Variants in CBLB observed in about 807,000 individuals in gnomAD.
CBLB encodes Cbl proto-oncogene B, also known as E3 ubiquitin-protein ligase CBL-B.
In CBLB, 31 loss-of-function variants were observed where a neutral mutation model predicts 104.9. That is an observed-to-expected ratio of 0.30 (90% CI 0.22 to 0.40). The LOEUF (loss-of-function observed/expected upper bound fraction) is 0.40. Ranked by LOEUF, CBLB falls within the 10% of genes least tolerant of loss-of-function variation. CBLB has a pLI of 1.00. For missense variants in CBLB, 1,062 were observed against 1,214.6 expected, an observed-to-expected ratio of 0.87 and a Z score of 1.87; for synonymous variants, 440 against 422.6, an observed-to-expected ratio of 1.04 and a Z score of -0.51.
chr3:105,693,457 G>A, intron 13 of CBLB, 37 bp downstream of exon 13: 1 of 1,327,018 alleles, frequency 7.5e-7, no homozygotes, highest in East Asian at 2.3e-5. Context: ...ATATCTTGAT[G>A]CATAGACAAG....
intron 3 of CBLB, among the ~76,000 whole-genome samples, chr3:105,837,899 C>T (rs1307364982): frequency 2.6e-5 from 4 of 152,030 alleles, no homozygotes; most frequent in African/African-American, 9.7e-5. Context: ...CTCTCTTCTG[C>T]CTCCCTCCAG....
chr3:105,767,718 C>G (rs7647131), intron 4 of CBLB, among the ~76,000 whole-genome samples: 23,889 of 152,014 alleles, frequency 0.16, 2,088 homozygotes, highest in Middle Eastern at 0.3. Flanking sequence ...ATGCTAGACA[C>G]AGTTTTATGT....
chr3:105,688,283 C>G (rs1381187737), intron 13 of CBLB, among the ~76,000 whole-genome samples: 1 of 151,990 alleles, frequency 6.6e-6, no homozygotes, highest in African/African-American at 2.4e-5. Context: ...GCTGTTATTA[C>G]TGAGTTAATA....
intron 14 of CBLB, chr3:105,682,019 GTC>G (rs1292274298): frequency 1.8e-6 from 1 of 545,256 alleles, no homozygotes; most frequent in Non-Finnish European, 3.2e-6. Context: ...AAGTAACACA[GTC>G]TCTCTTTTTT....
Position 105,707,919 on chromosome 3 carries a change from C to A in CBLB, c.1408-3746G>T, listed in dbSNP as rs76456693. Among the ~76,000 whole-genome samples, 936 of 152,042 alleles carry A rather than the reference C, an allele frequency of 6.2e-3. 31 individuals carry two copies. The highest frequency in any genetic ancestry group is 0.05 in the East Asian group (261 of 5,182). On this transcript the variant is annotated intron_variant, in intron 10 of 18. Coordinates refer to ENST00000394030, the MANE Select transcript of CBLB (RefSeq NM_170662.5). ...CCAAAATTATTTCTCCTTTAAAAGACAATGCTGTCTTTTTGTAATAGCTGC... is the reference window on the plus strand; with the variant it reads ...CCAAAATTATTTCTCCTTTAAAAGAAAATGCTGTCTTTTTGTAATAGCTGC...
Position 105,693,142 on chromosome 3 carries a change from T to C in CBLB, c.2054+352A>G, listed in dbSNP as rs568594064. Among the ~76,000 whole-genome samples, 8 of 152,066 alleles carry C rather than the reference T, an allele frequency of 5.3e-5. No homozygotes were observed. In the East Asian group the frequency reaches 1.5e-3, roughly 29 times the overall value. ...GGTGGAACCAAAGATTATTTTATGA[T>C]GTCAAACTGGGAAGCTGAGATAAAA... On this transcript the variant is annotated intron_variant, in intron 13 of 18. Coordinates refer to ENST00000394030, the MANE Select transcript of CBLB (RefSeq NM_170662.5).
intron 4 of CBLB, among the ~76,000 whole-genome samples, chr3:105,757,826 C>A (rs2077220579): frequency 6.6e-6 from 1 of 152,070 alleles, no homozygotes; most frequent in African/African-American, 2.4e-5. Flanking sequence ...TACTGTCATC[C>A]TCATTTTAAA....
At chr3:105,735,485 A>C (rs1237546225) in intron 8 of CBLB, among the ~76,000 whole-genome samples, 1 of 152,208 alleles carries the variant, frequency 6.6e-6, no homozygotes, top group Non-Finnish European at 1.5e-5. Flanking sequence ...AATGCAACCT[A>C]AACAGTAAGA....
chr3:105,868,553 C>G (rs1367025024), intron 1 of CBLB, 183 bp downstream of exon 1: 1 of 347,338 alleles, frequency 2.9e-6, no homozygotes, highest in Non-Finnish European at 4.6e-6. Flanking sequence ...TGGACGCCCT[C>G]TCCCTCCTCC....
Position 105,794,918 on chromosome 3 carries a change from C to CTT in CBLB, c.420-18378_420-18377dup, listed in dbSNP as rs201226105. On this transcript the variant is annotated intron_variant, in intron 3 of 18. Coordinates refer to ENST00000394030, the MANE Select transcript of CBLB (RefSeq NM_170662.5). ...AGAACCTTCTTTTGAATAATGGCAA[C>CTT]TTTTTTTTTTTTTTTTGAGATGGAG... is the stretch of plus-strand genomic sequence containing the variant. Among the ~76,000 whole-genome samples the CTT allele has an allele frequency of 1.1e-3, 161 of 142,308 alleles. 5 individuals are homozygous for CTT. The East Asian group carries it at 0.02, about 18-fold the overall frequency. The allele number at this position is 142,308 out of a possible 152,430, so 93.4% of individuals were successfully genotyped here.
At chr3:105,735,958 A>G (rs1396036005) in intron 8 of CBLB, among the ~76,000 whole-genome samples, 1 of 152,152 alleles carries the variant, frequency 6.6e-6, no homozygotes, top group Non-Finnish European at 1.5e-5. Context: ...AAAAAGAAAA[A>G]CAAGGCAATC....
In CBLB at chr3:105,735,512, T is replaced by G. The variant is rs566734876; in HGVS notation, c.1072-1372A>C. Among the ~76,000 whole-genome samples the G allele has an allele frequency of 9.5e-4, 144 of 152,340 alleles. 1 individual carries two copies. The highest frequency in any genetic ancestry group is 3.4e-3 in the African/African-American group (143 of 41,572). ...ACAGTAAGAGTATTTATGAGTAATT[T>G]AAGGGGATGTTATTACTTCCAAAGA... is the stretch of plus-strand genomic sequence containing the variant. On this transcript the variant is annotated intron_variant, in intron 8 of 18. Coordinates refer to ENST00000394030, the MANE Select transcript of CBLB (RefSeq NM_170662.5).
At chr3:105,815,081 A>G (rs2153045715) in intron 3 of CBLB, among the ~76,000 whole-genome samples, 1 of 152,188 alleles carries the variant, frequency 6.6e-6, no homozygotes, top group African/African-American at 2.4e-5. Flanking sequence ...GGCATAAGAA[A>G]TTCTCTCTCT....
chr3:105,718,903 G>A lies in CBLB; in HGVS notation c.1407+1144C>T, dbSNP rs990665413. Among the ~76,000 whole-genome samples the A allele has an allele frequency of 2.6e-5, 4 of 152,186 alleles. No individual in the cohort carries two copies. The South Asian group carries it at 6.2e-4, about 24-fold the overall frequency. Reference sequence around the variant, plus strand: ...ACAGGGAATAGCCTGATATCCAAGAGTCTACCTCTCTTGACCACTGTATTT... The same window carrying A: ...ACAGGGAATAGCCTGATATCCAAGAATCTACCTCTCTTGACCACTGTATTT... On this transcript the variant is annotated intron_variant, in intron 10 of 18. Coordinates refer to ENST00000394030, the MANE Select transcript of CBLB (RefSeq NM_170662.5).
chr3:105,820,841 AG>A (rs1470854630), intron 3 of CBLB, among the ~76,000 whole-genome samples: 1 of 152,154 alleles, frequency 6.6e-6, no homozygotes, highest in Non-Finnish European at 1.5e-5. Flanking sequence ...AAAAAGTCCT[AG>A]GAAGTTCGTT....
rs1292607801 is a variant in CBLB at position 105,704,157 on chromosome 3, T to A, written c.1424A>T (p.Asn475Ile). Reference sequence around the variant, plus strand: ...GGATCCTGGTGATGTGACTGGTGAGTTCTGCCTGTCAGTGCACTAGAACAG... The same window carrying A: ...GGATCCTGGTGATGTGACTGGTGAGATCTGCCTGTCAGTGCACTAGAACAG... ...ANVRKCTDRQ[N>I]SPVTSPGSSP... The change falls in exon 11 of 19, where the codon AAC (asparagine) becomes ATC (isoleucine). Residue 475 changes from asparagine (N) to isoleucine (I), a missense_variant. This residue lies in a region of CBLB where 457 missense variants were observed against 632.0 expected (regional missense o/e 0.72). Coordinates refer to ENST00000394030, the MANE Select transcript of CBLB (RefSeq NM_170662.5). 1.2e-6 allele frequency: 2 copies of A among 1,613,872 alleles called. No homozygotes were observed. The highest frequency in any genetic ancestry group is 1.7e-5 in the Admixed American group (1 of 59,984).
At chr3:105,728,172 CCT>C (rs1295091366) in intron 9 of CBLB, among the ~76,000 whole-genome samples, 1 of 151,826 alleles carries the variant, frequency 6.6e-6, no homozygotes, top group Non-Finnish European at 1.5e-5. Flanking sequence ...TTCTTTATGT[CCT>C]CTCTGTTTGC....
At chr3:105,737,854 AAT>A (rs2075123684) in intron 7 of CBLB, among the ~76,000 whole-genome samples, 1 of 152,132 alleles carries the variant, frequency 6.6e-6, no homozygotes, top group Non-Finnish European at 1.5e-5. Flanking sequence ...AAAATTAGAA[AAT>A]GTTACGTTTC....
chr3:105,762,885 A>T (rs1308453486), intron 4 of CBLB, among the ~76,000 whole-genome samples: 3 of 152,194 alleles, frequency 2.0e-5, no homozygotes, highest in Non-Finnish European at 1.5e-5. Context: ...CACCTGGAAA[A>T]GCCAGACACT....
Sources: gnomAD v4.1 joint callset for allele counts (sites outside exome capture counted in the v4.1 genomes callset) on GRCh38, gnomAD v4.1.1 for gene constraint, gnomAD v4.1.1 regional missense constraint, MANE v1.5 for transcripts, NCBI Gene and HGNC (gene_info 2026-07-23, HGNC 2026-07-21) for gene names.